The following SPIDR variants were observed in gnomAD, a reference collection of about 807,000 sequenced individuals.
SPIDR encodes the protein scaffold protein involved in DNA repair, also known as DNA repair-scaffolding protein.
SPIDR carries 93 observed loss-of-function variants against 104.6 expected under a neutral mutation model. The ratio of observed to expected loss-of-function variants is 0.89; its 90% CI spans 0.75 to 1.06. The LOEUF is 1.06. Among genes scored for constraint, SPIDR ranks in the 50% least tolerant of loss-of-function variants. The pLI, the probability that SPIDR is intolerant of heterozygous loss-of-function variation, is 0.00. For synonymous variants in SPIDR, 431 were observed against 416.9 expected (o/e 1.03, Z -0.41); for missense variants, 1,154 against 1,111.2 (o/e 1.04, Z -0.55).
chr8:47,363,746 A>T (rs1191637878), intron 5 of SPIDR, among the ~76,000 whole-genome samples: 3 of 151,924 alleles, frequency 2.0e-5, no homozygotes, highest in Admixed American at 1.3e-4. Context: ...TCTATACTAC[A>T]GTTCAGTTTG....
intron 7 of SPIDR, among the ~76,000 whole-genome samples, chr8:47,424,497 C>T (rs139603130): frequency 6.6e-6 from 1 of 152,068 alleles, no homozygotes; most frequent in East Asian, 1.9e-4. Context: ...TTTTTTTTCT[C>T]TACAGAAATG....
intron 8 of SPIDR, among the ~76,000 whole-genome samples, chr8:47,514,318 C>T (rs1277583835): frequency 6.6e-6 from 1 of 152,136 alleles, no homozygotes; most frequent in African/African-American, 2.4e-5. Context: ...AAACTCATCC[C>T]TGGTCTCATA....
At chr8:47,312,450 T>A (rs1303113204) in intron 5 of SPIDR, among the ~76,000 whole-genome samples, 1 of 152,212 alleles carries the variant, frequency 6.6e-6, no homozygotes, top group East Asian at 1.9e-4. Context: ...TGGTTTTGAT[T>A]TGCATTTCTC....
At chr8:47,323,303 A>G (rs1414502937) in intron 5 of SPIDR, among the ~76,000 whole-genome samples, 4 of 152,156 alleles carry the variant, frequency 2.6e-5, no homozygotes, top group South Asian at 2.1e-4. Flanking sequence ...GTGTTATTGT[A>G]TTTATGTAAG....
chr8:47,261,939 G>A (rs775178839), intron 1 of SPIDR, among the ~76,000 whole-genome samples: 1 of 152,228 alleles, frequency 6.6e-6, no homozygotes, highest in Non-Finnish European at 1.5e-5. Flanking sequence ...TCCAGTGTAA[G>A]TTGTTTACTT....
At chr8:47,665,929 A>AT (rs2074853341) in intron 10 of SPIDR, among the ~76,000 whole-genome samples, 1 of 152,214 alleles carries the variant, frequency 6.6e-6, no homozygotes, top group African/African-American at 2.4e-5. Context: ...TAAAACATAA[A>AT]TTTTTTGCAT....
chr8:47,284,072 A>C lies in SPIDR; in HGVS notation c.234A>C (p.Glu78Asp), dbSNP rs926032640. Residue 78 changes from glutamate (E) to aspartate (D), a missense_variant, in exon 3 of 20, where the codon GAA becomes GAC. Transcript: ENST00000297423. ...AGACGATTACAGAAAAGCACCTTGAATTATGCCCTAGACCCAAGCAAGGTA... is the reference window on the plus strand; with the variant it reads ...AGACGATTACAGAAAAGCACCTTGACTTATGCCCTAGACCCAAGCAAGGTA... ...EEKTITEKHL[E>D]LCPRPKQETT... The C allele has an allele frequency of 1.6e-4, 258 of 1,612,530 alleles. No individual in the cohort carries two copies. The highest frequency in any genetic ancestry group is 2.2e-4 in the Non-Finnish European group (255 of 1,179,464).
At chr8:47,681,234 C>A (rs1327664711) in intron 11 of SPIDR, among the ~76,000 whole-genome samples, 1 of 152,154 alleles carries the variant, frequency 6.6e-6, no homozygotes, top group Non-Finnish European at 1.5e-5. Flanking sequence ...CCAAATGTTA[C>A]CTCCCACTAG....
intron 5 of SPIDR, among the ~76,000 whole-genome samples, chr8:47,328,862 G>A (rs1394925563): frequency 4.0e-5 from 6 of 151,524 alleles, no homozygotes; most frequent in African/African-American, 1.2e-4. Context: ...CTTTAAAGCA[G>A]TATTTTCTTT....
At chr8:47,432,082 A>G (rs2067458659) in intron 7 of SPIDR, among the ~76,000 whole-genome samples, 1 of 152,232 alleles carries the variant, frequency 6.6e-6, no homozygotes, top group Admixed American at 6.5e-5. Flanking sequence ...AATCATTAAT[A>G]ACACAATCAA....
At chr8:47,504,343 C>CT (rs1243895314) in intron 8 of SPIDR, among the ~76,000 whole-genome samples, 1 of 151,788 alleles carries the variant, frequency 6.6e-6, no homozygotes, top group Non-Finnish European at 1.5e-5. Flanking sequence ...TCTTTTTTTT[C>CT]TTTTTTCTCT....
At chr8:47,413,734 G>A (rs1554673435) in intron 7 of SPIDR, among the ~76,000 whole-genome samples, 1 of 152,160 alleles carries the variant, frequency 6.6e-6, no homozygotes, top group Non-Finnish European at 1.5e-5. Flanking sequence ...TTTGATGTTG[G>A]TGGGTACAAT....
chr8:47,564,697 A>G (rs936788165), intron 8 of SPIDR, among the ~76,000 whole-genome samples: 1 of 152,120 alleles, frequency 6.6e-6, no homozygotes, highest in Non-Finnish European at 1.5e-5. Flanking sequence ...AAAAAAAAAA[A>G]AAAAGAATTC....
chr8:47,539,933 A>G (rs990222669), intron 8 of SPIDR, among the ~76,000 whole-genome samples: 1 of 152,066 alleles, frequency 6.6e-6, no homozygotes, highest in Non-Finnish European at 1.5e-5. Flanking sequence ...TCTTATCCTA[A>G]CCCAACTTTT....
At chr8:47,703,663 C>T (rs935373462) in intron 14 of SPIDR, among the ~76,000 whole-genome samples, 19 of 152,296 alleles carry the variant, frequency 1.2e-4, no homozygotes, top group African/African-American at 4.3e-4. Context: ...AATATTCTTA[C>T]GGTTTTTTAA....
intron 11 of SPIDR, among the ~76,000 whole-genome samples, chr8:47,685,307 T>C (rs1198169576): frequency 1.3e-5 from 2 of 152,040 alleles, no homozygotes; most frequent in East Asian, 1.9e-4. Context: ...GTAATTTAAC[T>C]AGTTAATTTA....
intron 8 of SPIDR, among the ~76,000 whole-genome samples, chr8:47,500,837 A>G (rs954104949): frequency 6.6e-6 from 1 of 152,162 alleles, no homozygotes; most frequent in Admixed American, 6.5e-5. Flanking sequence ...TAAGGAAGGG[A>G]TCCAGTTTCA....
chr8:47,302,693 A>T (rs1238174239), intron 5 of SPIDR, among the ~76,000 whole-genome samples: 1 of 151,974 alleles, frequency 6.6e-6, no homozygotes, highest in Non-Finnish European at 1.5e-5. Context: ...GGTCTGTTGG[A>T]GTTTGGTGGA....
intron 10 of SPIDR, among the ~76,000 whole-genome samples, chr8:47,639,686 G>A (rs548179352): frequency 5.3e-5 from 8 of 152,210 alleles, no homozygotes; most frequent in East Asian, 3.9e-4. Context: ...AGTGGCTCGC[G>A]CCTGTTATCC....
Sources: allele counts gnomAD v4.1 joint callset (sites outside exome capture counted in the v4.1 genomes callset), GRCh38; gene constraint gnomAD v4.1.1; transcripts MANE v1.5; gene names NCBI Gene and HGNC (gene_info 2026-07-23, HGNC 2026-07-21).